GLI3: variants seen among roughly 807,000 people sequenced by gnomAD.
The protein encoded by GLI3 is GLI family zinc finger 3.
In GLI3, 20 loss-of-function variants were observed where a neutral mutation model predicts 100.8. The observed-to-expected ratio is 0.20, with a 90% CI of 0.14 to 0.29. The LOEUF (loss-of-function observed/expected upper bound fraction) is 0.29, where lower values mean the gene tolerates loss of function less well. Ranked by LOEUF, GLI3 falls within the 10% of genes least tolerant of loss-of-function variation. The pLI is 1.00. For missense variants in GLI3, 2,040 were observed against 2,128.5 expected (o/e 0.96, Z 0.82); for synonymous variants, 938 against 860.5 (o/e 1.09, Z -1.58).
chr7:42,116,326 A>T (rs994467898), intron 3 of GLI3, among the ~76,000 whole-genome samples: 3 of 152,104 alleles, frequency 2.0e-5, no homozygotes, highest in African/African-American at 7.2e-5. Context: ...TGCTGGGTAA[A>T]ATTCACCCAG....
chr7:42,258,196 T>G (rs913391686), intron 1 of GLI3, among the ~76,000 whole-genome samples: 1 of 152,204 alleles, frequency 6.6e-6, no homozygotes, highest in Non-Finnish European at 1.5e-5. Context: ...GTATTATACA[T>G]ACTGAATTCA....
chr7:42,061,081 G>A (rs1323745482), intron 4 of GLI3, among the ~76,000 whole-genome samples: 1 of 152,164 alleles, frequency 6.6e-6, no homozygotes, highest in Non-Finnish European at 1.5e-5. Context: ...TGTTATTCAA[G>A]CAAGAACTTT....
intron 3 of GLI3, among the ~76,000 whole-genome samples, chr7:42,144,129 C>T (rs1786640817): frequency 6.6e-6 from 1 of 152,160 alleles, no homozygotes; most frequent in Non-Finnish European, 1.5e-5. Context: ...ATGTCACCTG[C>T]CTTTGAAAGT....
intron 3 of GLI3, among the ~76,000 whole-genome samples, chr7:42,139,748 G>T (rs1035444965): frequency 7.2e-5 from 11 of 152,208 alleles, no homozygotes; most frequent in Admixed American, 4.6e-4. Context: ...CAATGAGACA[G>T]CAGCCCAGCC....
chr7:41,965,475 G>C lies in GLI3; in HGVS notation c.3598C>G (p.His1200Asp), dbSNP rs145069572. 1,153 of 1,609,328 alleles carry C rather than the reference G, an allele frequency of 7.2e-4. 14 individuals carry two copies. The East Asian group carries it at 0.018, about 25-fold the overall frequency. Residue 1200 changes from histidine (H) to aspartate (D), a missense_variant, in exon 15 of 15, where the codon CAC becomes GAC. By Grantham distance (81) the His-to-Asp change is moderately conservative. Around this residue, in one of 5 missense-constraint regions of GLI3, gnomAD observed 1,041 missense variants for 924.0 expected, o/e 1.13. Coordinates refer to ENST00000395925, the MANE Select transcript of GLI3 (RefSeq NM_000168.6). Reference sequence around the variant, plus strand: ...CCGCTCCTCAAGGGGTTCTGCGGGTGGACGACCATGCCGTTGCAGAACCCA... The same window carrying C: ...CCGCTCCTCAAGGGGTTCTGCGGGTCGACGACCATGCCGTTGCAGAACCCA... The part of the protein sequence containing the change: ...AFGFCNGMVV[H>D]PQNPLRSGPA...
intron 4 of GLI3, among the ~76,000 whole-genome samples, chr7:42,066,304 G>A (rs750456570): frequency 5.9e-5 from 9 of 151,966 alleles, no homozygotes; most frequent in South Asian, 2.1e-4. Context: ...CAATACACTC[G>A]GGGGAAGGGG....
At chr7:42,137,386 C>A (rs1448738507) in intron 3 of GLI3, among the ~76,000 whole-genome samples, 1 of 152,164 alleles carries the variant, frequency 6.6e-6, no homozygotes, top group East Asian at 1.9e-4. Context: ...CAAGGTCCCT[C>A]AATCTCATCT....
chr7:42,080,716 A>G (rs1031987941), intron 3 of GLI3, among the ~76,000 whole-genome samples: 1 of 152,208 alleles, frequency 6.6e-6, no homozygotes, highest in African/African-American at 2.4e-5. Flanking sequence ...CATGGCATTA[A>G]TCCTAACACA....
At chr7:42,095,316 G>A (rs997653267) in intron 3 of GLI3, among the ~76,000 whole-genome samples, 4 of 152,196 alleles carry the variant, frequency 2.6e-5, no homozygotes, top group Non-Finnish European at 5.9e-5. Context: ...CCACGGAAGC[G>A]TGCAAGAAGA....
chr7:42,043,870 TAACA>T (rs1784191911), intron 6 of GLI3, among the ~76,000 whole-genome samples: 1 of 152,246 alleles, frequency 6.6e-6, no homozygotes, highest in African/African-American at 2.4e-5. Flanking sequence ...ATTTGCATAA[TAACA>T]CAACTTTTTT....
intron 10 of GLI3, among the ~76,000 whole-genome samples, chr7:41,990,359 T>C (rs764712710): frequency 2.6e-5 from 4 of 152,140 alleles, no homozygotes; most frequent in Non-Finnish European, 4.4e-5. Flanking sequence ...GTAAAGGATC[T>C]GAACATGCAG....
intron 7 of GLI3, among the ~76,000 whole-genome samples, chr7:42,033,618 CA>C (rs1288781156): frequency 6.6e-6 from 1 of 152,174 alleles, no homozygotes; most frequent in Non-Finnish European, 1.5e-5. Context: ...AAAGCCAAGC[CA>C]AACTTCCTGG....
At chr7:42,218,374 T>G (rs1583656372) in intron 2 of GLI3, among the ~76,000 whole-genome samples, 1 of 151,644 alleles carries the variant, frequency 6.6e-6, no homozygotes, top group African/African-American at 2.4e-5. Flanking sequence ...CTCAAAGCCA[T>G]CTGACTCCCA....
Position 41,965,658 on chromosome 7 carries a change from C to A in GLI3, c.3415G>T (p.Ala1139Ser), listed in dbSNP as rs752206282. The A allele has an allele frequency of 1.2e-6, 2 of 1,612,700 alleles. No individual in the cohort carries two copies. Among genetic ancestry groups the A allele is most frequent in the East Asian group, 2.2e-5 (1 of 44,830 alleles). ...TCGAGGGCATGGAACTGCTGGCCAG[C>A]GTGGCTGTCTGGCAGCCCGGGCGCG... ...FDAPGLPDSH[A>S]GQQFHALEQP... is the part of the protein sequence containing the mutation. Residue 1139 changes from alanine (A) to serine (S), a missense_variant, in exon 15 of 15, where the codon GCT becomes TCT. By Grantham distance (99) the Ala-to-Ser change is moderately conservative. Coordinates refer to ENST00000395925, the MANE Select transcript of GLI3 (RefSeq NM_000168.6).
chr7:42,229,565 C>G (rs767347275), intron 1 of GLI3, among the ~76,000 whole-genome samples: 1 of 152,170 alleles, frequency 6.6e-6, no homozygotes, highest in Non-Finnish European at 1.5e-5. Context: ...AAGAAAGCAG[C>G]TTGTCATAAG....
Position 41,966,107 on chromosome 7 carries a change from C to T in GLI3, c.2966G>A (p.Arg989Gln), listed in dbSNP as rs548918938. Residue 989 changes from arginine to glutamine, a missense_variant, in exon 15 of 15, where the codon CGG becomes CAG. By Grantham distance (43) the Arg-to-Gln change is conservative. Around this residue, in one of 5 missense-constraint regions of GLI3, gnomAD observed 1,041 missense variants for 924.0 expected, o/e 1.13. Coordinates refer to ENST00000395925, the MANE Select transcript of GLI3 (RefSeq NM_000168.6). The surrounding 1 kb of genome is among the most constrained non-coding windows in gnomAD (Gnocchi z 5.8). ...CSDGGAHGYG[R>Q]RHLQPHDAPG... is the part of the protein sequence containing the mutation. Reference sequence around the variant, plus strand: ...CGCATCGTGCGGCTGCAGGTGGCGCCGCCCGTAGCCGTGGGCTCCCCCGTC... The same window carrying T: ...CGCATCGTGCGGCTGCAGGTGGCGCTGCCCGTAGCCGTGGGCTCCCCCGTC... 4 of 1,572,638 alleles carry T rather than the reference C, an allele frequency of 2.5e-6. No homozygotes were observed. Among genetic ancestry groups the T allele is most frequent in the Admixed American group, 1.8e-5 (1 of 56,306 alleles).
intron 3 of GLI3, among the ~76,000 whole-genome samples, chr7:42,147,636 A>T (rs1048551331): frequency 2.6e-5 from 4 of 152,196 alleles, no homozygotes; most frequent in African/African-American, 9.6e-5. Flanking sequence ...AATTTCTTAA[A>T]CGTGATTAGT....
At chr7:42,069,888 A>C (rs963250579) in intron 4 of GLI3, among the ~76,000 whole-genome samples, 1 of 152,240 alleles carries the variant, frequency 6.6e-6, no homozygotes, top group African/African-American at 2.4e-5. Context: ...ACAGTTTGCC[A>C]ATCCCTGTTT....
Position 42,076,810 on chromosome 7 carries a change from C to A in GLI3, c.415G>T (p.Ala139Ser). Reference protein sequence around the residue: ...PAFHPPVPIDARHHEGRYHYD... With the variant: ...PAFHPPVPIDSRHHEGRYHYD... ...TGGTAACGGCCCTCATGATGTCTGG[C>A]ATCAATTGGTACAGGAGGATGGAAG... Residue 139 changes from alanine (A) to serine (S), a missense_variant, in exon 4 of 15, where the codon GCC becomes TCC. Ala to Ser is a moderately conservative substitution (Grantham distance 99). Transcript: ENST00000395925. The A allele has an allele frequency of 6.2e-7, 1 of 1,613,516 alleles. No individual in the cohort carries two copies. The highest frequency in any genetic ancestry group is 8.5e-7 in the Non-Finnish European group (1 of 1,179,466).
Sources: allele counts gnomAD v4.1 joint callset (sites outside exome capture counted in the v4.1 genomes callset), GRCh38; gene constraint gnomAD v4.1.1; regional missense constraint gnomAD v4.1.1; non-coding constraint Gnocchi (gnomAD v3.1); transcripts MANE v1.5; gene names NCBI Gene and HGNC (gene_info 2026-07-23, HGNC 2026-07-21).